Variants in PARVB observed in about 807,000 individuals in gnomAD.
The protein encoded by PARVB is parvin beta.
Under a neutral mutation model 47.0 loss-of-function variants are expected in PARVB, and 46 were observed. The observed-to-expected ratio is 0.98, with a 90% CI of 0.77 to 1.25. PARVB has a LOEUF of 1.25. Ranked by LOEUF, PARVB falls within the 50% of genes most tolerant of loss-of-function variation. The probability of loss-of-function intolerance (pLI) is 0.00; values close to 1 mark genes in which losing one functional copy is unlikely to be tolerated. For synonymous variants in PARVB, 196 were observed against 196.3 expected (o/e 1.00, Z 0.01); for missense variants, 473 against 471.6 (o/e 1.00, Z -0.03).
At position 44,034,296 on chromosome 22, in the gene PARVB, TATATATGTTTGAGATGGGTGTCTTTATAC is replaced by T; in HGVS notation, c.112+9852_112+9880del. Among the ~76,000 whole-genome samples, 2 of 123,620 alleles carry T rather than the reference TATATATGTTTGAGATGGGTGTCTTTATAC, an allele frequency of 1.6e-5. 1 individual carries two copies. The highest frequency in any genetic ancestry group is 4.7e-4 in the South Asian group (2 of 4,282). The allele number at this position is 123,620 out of a possible 152,430, so 81.1% of individuals were successfully genotyped here. On this transcript the variant is annotated intron_variant, in intron 1 of 12. Transcript: ENST00000338758. ...TGTTTGAGATGGGTGTCTTTATACA[TATATATGTTTGAGATGGGTGTCTTTATAC>T]ATATATATGTTTGAGATGGGGGTCT...
intron 2 of PARVB, 76 bp downstream of exon 2, chr22:44,094,093 T>C: frequency 1.2e-6 from 1 of 802,252 alleles, no homozygotes; most frequent in South Asian, 1.6e-5. Context: ...GGGAGGCCAA[T>C]GAGGAGCCCG....
At chr22:44,063,006 T>C (rs2051448557) in intron 1 of PARVB, among the ~76,000 whole-genome samples, 1 of 152,126 alleles carries the variant, frequency 6.6e-6, no homozygotes, top group Non-Finnish European at 1.5e-5. Flanking sequence ...GTCTTTCTGG[T>C]GCTCAGCCCC....
intron 1 of PARVB, among the ~76,000 whole-genome samples, chr22:44,079,077 CA>C (rs1181993169): frequency 6.6e-6 from 1 of 152,194 alleles, no homozygotes; most frequent in East Asian, 1.9e-4. Context: ...GTAGAGTCCT[CA>C]AACCCTGATT....
intron 1 of PARVB, among the ~76,000 whole-genome samples, chr22:44,027,804 A>G (rs1299323814): frequency 6.6e-6 from 1 of 151,826 alleles, no homozygotes; most frequent in Non-Finnish European, 1.5e-5. Context: ...AAGCTGAGGC[A>G]GGAGAATCGC....
At chr22:44,073,978 G>T (rs1397921325) in intron 1 of PARVB, among the ~76,000 whole-genome samples, 2 of 152,246 alleles carry the variant, frequency 1.3e-5, no homozygotes, top group Admixed American at 1.3e-4. Context: ...GACACCTACC[G>T]AGGACCCGCC....
At chr22:44,098,035 T>G (rs1181112903) in intron 2 of PARVB, among the ~76,000 whole-genome samples, 1 of 152,172 alleles carries the variant, frequency 6.6e-6, no homozygotes, top group Non-Finnish European at 1.5e-5. Flanking sequence ...GCGAGTTCCC[T>G]GTGGGGGCCA....
In PARVB at chr22:44,155,034, TG is replaced by T. The variant is rs1477792413; in HGVS notation, c.844-2946del. 0.011 allele frequency among the ~76,000 whole-genome samples: 1,089 copies of T among 95,164 alleles called. 10 individuals are homozygous for T. The highest frequency in any genetic ancestry group is 0.042 in the African/African-American group (831 of 19,584). The allele number at this position is 95,164 out of a possible 152,430, so 62.4% of individuals were successfully genotyped here. Reference sequence around the variant, plus strand: ...GTGTGTGTGGTTTTTGTAGTCTGTGTGGTGTGTGTGTGTGTGTGTGTGTGGT... The same window carrying T: ...GTGTGTGTGGTTTTTGTAGTCTGTGTGTGTGTGTGTGTGTGTGTGTGTGGT... On this transcript the variant is annotated intron_variant, in intron 10 of 12. Transcript: ENST00000338758. This position sits in a 1 kb window ranked among gnomAD's most constrained non-coding sequence, Gnocchi z 4.8.
intron 1 of PARVB, among the ~76,000 whole-genome samples, chr22:44,065,334 G>A (rs2051498127): frequency 6.6e-6 from 1 of 152,006 alleles, no homozygotes. Flanking sequence ...TTTATTTTCT[G>A]TTTTTTTAGA....
In PARVB at chr22:44,024,438, G is replaced by A; in HGVS notation, c.99G>A (p.Arg33=). 9.2e-6 allele frequency: 11 copies of A among 1,191,610 alleles called. No homozygotes were observed. The highest frequency in any genetic ancestry group is 1.2e-5 in the Non-Finnish European group (11 of 956,504). 73.8% of individuals were successfully genotyped at this position (1,191,610 alleles called of 1,614,324 possible). A position where few individuals can be genotyped will look rare whatever the true frequency, so the allele number is the denominator to read the frequency against. The change falls in exon 1 of 13, where the codon CGG becomes CGA. Residue 33 remains arginine, a synonymous_variant. Transcript: ENST00000338758. The stretch of plus-strand genomic sequence containing the variant: ...TGGGCGGCACCCTGGCCAGGAAGCG[G>A]AGGGCGCGCGAGGGTGAGTGCGCGC... ...GKLGGTLARK[R]RAREVSDLQE...
At chr22:44,022,006 C>T (rs1179807440), upstream of PARVB, among the ~76,000 whole-genome samples, 3 of 152,084 alleles carry the variant, frequency 2.0e-5, no homozygotes, top group Admixed American at 6.6e-5. Flanking sequence ...AAATCCTAAT[C>T]CCCAGTACAC....
At position 44,008,405 on chromosome 22, in the gene PARVB, C is replaced by T. The variant is rs560917514; in HGVS notation, c.211+8732C>T. 1.2e-4 allele frequency among the ~76,000 whole-genome samples: 19 copies of T among 152,108 alleles called. No homozygotes were observed. In the South Asian group the frequency reaches 3.1e-3, roughly 25 times the overall value. On this transcript the variant is annotated intron_variant, in intron 2 of 13. Coordinates refer to the PARVB transcript ENST00000406477. ...GATTTCAGGCGTGAGCCACCACGCG[C>T]GGTCTAGAGACAGGATTTTATGATT...
intron 1 of PARVB, among the ~76,000 whole-genome samples, chr22:44,053,920 C>T (rs1197225196): frequency 6.6e-6 from 1 of 152,234 alleles, no homozygotes; most frequent in East Asian, 1.9e-4. Context: ...CAAAACCAAG[C>T]ATCCAGTCTC....
At chr22:44,092,017 A>C (rs1482777876) in intron 1 of PARVB, among the ~76,000 whole-genome samples, 6 of 151,902 alleles carry the variant, frequency 3.9e-5, no homozygotes, top group African/African-American at 1.5e-4. Flanking sequence ...TGGGCTGGGG[A>C]CTTGATGTTC....
At chr22:44,168,573 C>G in intron 12 of PARVB, 29 bp from the exon 13 acceptor site, 8 of 1,534,662 alleles carry the variant, frequency 5.2e-6, no homozygotes, top group Non-Finnish European at 7.2e-6. Flanking sequence ...GATGGCACGC[C>G]TCTGAAGTTT....
At chr22:44,070,236 G>A (rs935422221) in intron 1 of PARVB, among the ~76,000 whole-genome samples, 4 of 152,182 alleles carry the variant, frequency 2.6e-5, no homozygotes, top group African/African-American at 9.7e-5. Context: ...ACCGCAGATC[G>A]GAATGGGAGT....
chr22:44,007,693 A>G (rs978722688), intron 2 of PARVB, among the ~76,000 whole-genome samples: 1 of 152,190 alleles, frequency 6.6e-6, no homozygotes, highest in African/African-American at 2.4e-5. Flanking sequence ...AAATGCACAT[A>G]AAATGTACCA....
intron 1 of PARVB, among the ~76,000 whole-genome samples, chr22:44,025,507 C>T (rs887218704): frequency 6.6e-6 from 1 of 152,128 alleles, no homozygotes; most frequent in Non-Finnish European, 1.5e-5. Flanking sequence ...CGCTTGGTTC[C>T]CCAGACATTT....
At chr22:44,135,018 A>AC (rs2053411885) in intron 6 of PARVB, among the ~76,000 whole-genome samples, 2 of 152,138 alleles carry the variant, frequency 1.3e-5, no homozygotes, top group Admixed American at 1.3e-4. Flanking sequence ...AATGTCACCC[A>AC]CACTGTTGTT....
upstream of PARVB, among the ~76,000 whole-genome samples, chr22:44,020,797 T>C (rs1255379691): frequency 1.3e-5 from 2 of 151,956 alleles, no homozygotes; most frequent in South Asian, 2.1e-4. Context: ...TTTTTTTTTT[T>C]TGAGACTGAG....
Sources: gnomAD v4.1 joint callset for allele counts (sites outside exome capture counted in the v4.1 genomes callset) on GRCh38, gnomAD v4.1.1 for gene constraint, Gnocchi (gnomAD v3.1) non-coding constraint, MANE v1.5 for transcripts, NCBI Gene and HGNC (gene_info 2026-07-23, HGNC 2026-07-21) for gene names.